Variants in ABCA13 observed in about 807,000 individuals in gnomAD.
The protein encoded by ABCA13 is ATP-binding cassette sub-family A member 13.
A neutral mutation model predicts 478.7 loss-of-function variants in ABCA13; 476 were observed. The observed-to-expected ratio is 0.99, with a 90% CI of 0.92 to 1.07. The LOEUF (loss-of-function observed/expected upper bound fraction) is 1.07, where lower values mean the gene tolerates loss of function less well. Ranked by LOEUF, ABCA13 falls within the 50% of genes least tolerant of loss-of-function variation. The pLI is 0.00. For missense variants in ABCA13, 6,060 were observed against 5,910.6 expected (o/e 1.03, Z -0.83); for synonymous variants, 2,252 against 2,158.9 (o/e 1.04, Z -1.20).
At chr7:48,463,772 AGAACGGAATG>A (rs1563300022) in intron 43 of ABCA13, among the ~76,000 whole-genome samples, 3 of 145,858 alleles carry the variant, frequency 2.1e-5, no homozygotes, top group African/African-American at 7.5e-5. Context: ...GGAAGGGAAA[AGAACGGAATG>A]GAATGGAATG....
rs2128759551 is a variant in ABCA13, at chr7:48,275,381, AG to A, written c.5716del (p.Val1906SerfsTer9). The A allele has an allele frequency of 6.2e-7, 1 of 1,613,968 alleles. No individual in the cohort carries two copies. The highest frequency in any genetic ancestry group is 1.1e-5 in the South Asian group (1 of 91,082). On this transcript the variant is annotated frameshift_variant, in exon 17 of 62. Transcript: ENST00000435803. LOFTEE classifies it high-confidence loss of function. Reference sequence around the variant, plus strand: ...ATTCTATTCTTCTGGAGCTCTCTGAAGTCTTCCATGTTAACATTTCTCTTGT... The same window carrying A: ...ATTCTATTCTTCTGGAGCTCTCTGAATCTTCCATGTTAACATTTCTCTTGT... ...WNSILLELSE[V>X]FHVNISLVKT...
chr7:48,354,242 C>T (rs73323773), intron 31 of ABCA13, among the ~76,000 whole-genome samples: 13 of 152,038 alleles, frequency 8.6e-5, no homozygotes, highest in Admixed American at 6.5e-4. Context: ...CATGAAAGAG[C>T]GGGGTTGTGC....
intron 23 of ABCA13, among the ~76,000 whole-genome samples, chr7:48,305,748 G>A (rs1800807786): frequency 6.6e-6 from 1 of 152,190 alleles, no homozygotes; most frequent in East Asian, 1.9e-4. Flanking sequence ...AAGGATCATT[G>A]TCATTTTTAA....
At chr7:48,627,119 T>A in intron 59 of ABCA13, 1 of 870,244 alleles carries the variant, frequency 1.1e-6, no homozygotes, top group Non-Finnish European at 1.4e-6. Flanking sequence ...TGGTCTTATT[T>A]AATCTTTATT....
intron 48 of ABCA13, among the ~76,000 whole-genome samples, chr7:48,497,285 T>G (rs1451264808): frequency 6.6e-6 from 1 of 152,228 alleles, no homozygotes; most frequent in African/African-American, 2.4e-5. Context: ...TTTCATTCAT[T>G]TTTTAATCAT....
intron 48 of ABCA13, among the ~76,000 whole-genome samples, chr7:48,497,798 G>T (rs968237837): frequency 1.3e-5 from 2 of 152,130 alleles, no homozygotes; most frequent in African/African-American, 4.8e-5. Context: ...CCCTGATGAC[G>T]CTGGGGACAG....
At chr7:48,475,037 T>C (rs1404717096) in intron 45 of ABCA13, among the ~76,000 whole-genome samples, 2 of 152,252 alleles carry the variant, frequency 1.3e-5, no homozygotes, top group Non-Finnish European at 2.9e-5. Context: ...ACAGCTCTTC[T>C]AAGAAGCTAT....
chr7:48,200,105 C>A (rs1798460693), intron 3 of ABCA13, among the ~76,000 whole-genome samples: 1 of 152,192 alleles, frequency 6.6e-6, no homozygotes, highest in Non-Finnish European at 1.5e-5. Context: ...TGGCTCACAC[C>A]TGTAATTCCA....
chr7:48,472,579 G>A (rs1476794134), intron 45 of ABCA13, among the ~76,000 whole-genome samples: 1 of 152,120 alleles, frequency 6.6e-6, no homozygotes, highest in Non-Finnish European at 1.5e-5. Flanking sequence ...AGTGAGCTTA[G>A]AGCAGAAATG....
intron 15 of ABCA13, among the ~76,000 whole-genome samples, chr7:48,263,679 T>A (rs1212035160): frequency 6.6e-6 from 1 of 151,006 alleles, no homozygotes; most frequent in Non-Finnish European, 1.5e-5. Context: ...GCATTACAAC[T>A]AATGGCCAGG....
intron 49 of ABCA13, among the ~76,000 whole-genome samples, chr7:48,506,921 T>TTATA (rs1383855724): frequency 6.6e-6 from 1 of 152,162 alleles, no homozygotes; most frequent in Non-Finnish European, 1.5e-5. Context: ...CCCTTCTCTA[T>TTATA]TATATGGTCG....
chr7:48,506,572 G>A (rs1177014030), intron 49 of ABCA13, among the ~76,000 whole-genome samples, 182 bp downstream of exon 49: 1 of 152,208 alleles, frequency 6.6e-6, no homozygotes. Flanking sequence ...CGACTATTAA[G>A]AGAGTCAGTA....
At chr7:48,271,683 T>C in intron 16 of ABCA13, 104 bp from the exon 17 acceptor site, 2 of 687,134 alleles carry the variant, frequency 2.9e-6, no homozygotes, top group Non-Finnish European at 4.1e-6. Context: ...CTATTAAATG[T>C]TTCATTTGTG....
intron 2 of ABCA13, among the ~76,000 whole-genome samples, chr7:48,193,650 G>A (rs529643422): frequency 6.6e-6 from 1 of 151,860 alleles, no homozygotes; most frequent in Admixed American, 6.6e-5. Context: ...TAACTATGAT[G>A]ATGATGATGA....
chr7:48,377,703 T>C (rs368299937), intron 35 of ABCA13, among the ~76,000 whole-genome samples: 1 of 152,206 alleles, frequency 6.6e-6, no homozygotes, highest in Non-Finnish European at 1.5e-5. Context: ...ATTGTCTTGG[T>C]ACTTTGAATA....
chr7:48,579,248 G>C (rs1788475168), intron 55 of ABCA13, among the ~76,000 whole-genome samples: 1 of 152,178 alleles, frequency 6.6e-6, no homozygotes, highest in Admixed American at 6.5e-5. Flanking sequence ...TAAAAGACTT[G>C]TATATGAAAT....
At chr7:48,354,501 G>T (rs1809579168) in intron 31 of ABCA13, among the ~76,000 whole-genome samples, 1 of 152,018 alleles carries the variant, frequency 6.6e-6, no homozygotes, top group African/African-American at 2.4e-5. Context: ...GAGGGACATG[G>T]ATGGAGACAT....
Position 48,232,994 on chromosome 7 carries a change from T to A in ABCA13, c.764-1024T>A, listed in dbSNP as rs57680164. Among the ~76,000 whole-genome samples the A allele has an allele frequency of 7.3e-4, 111 of 152,308 alleles. 1 individual carries two copies. Among genetic ancestry groups the A allele is most frequent in the African/African-American group, 2.6e-3 (106 of 41,560 alleles). On this transcript the variant is annotated intron_variant, in intron 7 of 61. Transcript: ENST00000435803. ...TCTTAGTCTAGGTCCTAGTACCTCT[T>A]CAACATACAATAAATGCTGGTTTTA...
At chr7:48,549,286 C>A (rs1273640721) in intron 55 of ABCA13, among the ~76,000 whole-genome samples, 1 of 151,678 alleles carries the variant, frequency 6.6e-6, no homozygotes, top group Non-Finnish European at 1.5e-5. Context: ...CATTGTTCAA[C>A]TTCCACTTAT....
Sources: allele counts gnomAD v4.1 joint callset (sites outside exome capture counted in the v4.1 genomes callset), GRCh38; gene constraint gnomAD v4.1.1; transcripts MANE v1.5; gene names NCBI Gene and HGNC (gene_info 2026-07-23, HGNC 2026-07-21).